The following NHS variants were observed in gnomAD, a reference collection of about 807,000 sequenced individuals.
NHS encodes NHS actin remodeling regulator.
NHS carries 5 observed loss-of-function variants against 72.5 expected under a neutral mutation model. The ratio of observed to expected loss-of-function variants is 0.07; its 90% CI spans 0.04 to 0.14. NHS has a LOEUF of 0.14. Ranked by LOEUF, NHS falls within the 10% of genes least tolerant of loss-of-function variation. The probability of loss-of-function intolerance (pLI) is 1.00; values close to 1 mark genes in which losing one functional copy is unlikely to be tolerated. For missense variants in NHS, 1,072 were observed against 1,355.7 expected, an observed-to-expected ratio of 0.79 and a Z score of 3.29; for synonymous variants, 464 against 547.7, an observed-to-expected ratio of 0.85 and a Z score of 2.13.
At chrX:17,477,172 A>T (rs1177660970) in intron 1 of NHS, among the ~76,000 whole-genome samples, 1 of 111,921 alleles carries the variant, frequency 8.9e-6, no homozygotes, top group Non-Finnish European at 1.9e-5. Context: ...GAAAAGAAAA[A>T]TAAAGGTGGG....
At chrX:17,679,868 G>C (rs1031184569) in intron 1 of NHS, among the ~76,000 whole-genome samples, 4 of 104,984 alleles carry the variant, frequency 3.8e-5, no homozygotes, top group East Asian at 6.2e-4. Flanking sequence ...AAGGGGGGGG[G>C]GGTGTGCGTT....
intron 1 of NHS, among the ~76,000 whole-genome samples, chrX:17,556,748 C>T (rs1355578773): frequency 8.9e-6 from 1 of 111,790 alleles, no homozygotes; most frequent in Non-Finnish European, 1.9e-5. Context: ...CCATCAGTAG[C>T]ATTATCATTG....
At chrX:17,673,067 G>GAT (rs1350955394) in intron 1 of NHS, among the ~76,000 whole-genome samples, 1 of 110,085 alleles carries the variant, frequency 9.1e-6, no homozygotes, top group Non-Finnish European at 1.9e-5. Context: ...AGGACCACAA[G>GAT]ATATACAGAT....
chrX:17,404,263 G>GT (rs1262401240), intron 1 of NHS, among the ~76,000 whole-genome samples: 1 of 111,797 alleles, frequency 8.9e-6, no homozygotes, highest in African/African-American at 3.3e-5. Flanking sequence ...AATTAGAAAG[G>GT]GAGGGAGCAC....
At chrX:17,679,099 A>C (rs922640247) in intron 1 of NHS, among the ~76,000 whole-genome samples, 1 of 110,731 alleles carries the variant, frequency 9.0e-6, no homozygotes, top group Non-Finnish European at 1.9e-5. Context: ...AATGTGTACT[A>C]TCTCTCTAAG....
chrX:17,658,712 G>A lies in NHS; in HGVS notation c.566-29030G>A, dbSNP rs375048921. Among the ~76,000 whole-genome samples the A allele has an allele frequency of 2.7e-5, 3 of 112,202 alleles. No individual in the cohort carries two copies. In the East Asian group the frequency reaches 8.4e-4, roughly 31 times the overall value. On this transcript the variant is annotated intron_variant, in intron 1 of 8. Coordinates refer to ENST00000676302, the MANE Select transcript of NHS (RefSeq NM_001291867.2). ...ATAAGGCCAGTGCAACAGTGGCCAA[G>A]TTTGGCCAGCTTAGAAGAGTAGATA...
chrX:17,506,461 G>A (rs12860112), intron 1 of NHS, among the ~76,000 whole-genome samples: 24,641 of 107,830 alleles, frequency 0.23, 2,593 homozygotes, highest in Non-Finnish European at 0.32. Context: ...AACCTGGGAG[G>A]TGGAGGTTGC....
chrX:17,708,711 A>G (rs2066310408), intron 3 of NHS, among the ~76,000 whole-genome samples: 1 of 111,113 alleles, frequency 9.0e-6, no homozygotes, highest in Admixed American at 9.6e-5. Context: ...TGGGAGGAAA[A>G]GGATTATAGA....
intron 1 of NHS, among the ~76,000 whole-genome samples, chrX:17,570,073 C>A (rs1168598313): frequency 9.0e-6 from 1 of 111,620 alleles, no homozygotes; most frequent in African/African-American, 3.3e-5. Flanking sequence ...TTACTGTGGC[C>A]TTGTAGCATA....
intron 1 of NHS, among the ~76,000 whole-genome samples, chrX:17,624,864 G>A (rs1414109435): frequency 8.9e-6 from 1 of 112,229 alleles, no homozygotes; most frequent in East Asian, 2.8e-4. Context: ...GGGAAGAGAT[G>A]ATAACAGCAT....
intron 1 of NHS, among the ~76,000 whole-genome samples, chrX:17,641,835 G>A (rs2065882611): frequency 9.0e-6 from 1 of 111,698 alleles, no homozygotes; most frequent in African/African-American, 3.3e-5. Context: ...GTGGGATGGA[G>A]GAGGTGACAA....
Position 17,727,451 on chromosome X carries a change from G to A in NHS, c.3345G>A (p.Lys1115=), listed in dbSNP as rs1342613608. 1 of 1,209,788 alleles carries A rather than the reference G, an allele frequency of 8.3e-7. No individual in the cohort carries two copies. The highest frequency in any genetic ancestry group is 3.0e-5 in the East Asian group (1 of 33,775). The change falls in exon 7 of 9, where the codon AAG becomes AAA. Residue 1115 remains lysine (K), a synonymous_variant. Coordinates refer to ENST00000676302, the MANE Select transcript of NHS (RefSeq NM_001291867.2). ...RHPLHVFTHN[K]QNTVGETLRS... is the part of the protein sequence containing the mutation. ...CACTGCATGTTTTTACTCATAATAA[G>A]CAGAACACAGTAGGAGAAACACTGA...
intron 1 of NHS, among the ~76,000 whole-genome samples, chrX:17,650,173 G>T (rs971689251): frequency 3.5e-5 from 4 of 112,696 alleles, no homozygotes; most frequent in African/African-American, 1.3e-4. Context: ...AGGTCAGTCT[G>T]GGACCAAAAG....
intron 1 of NHS, among the ~76,000 whole-genome samples, chrX:17,600,790 G>A (rs556212028): frequency 9.1e-6 from 1 of 110,246 alleles, no homozygotes; most frequent in South Asian, 4.0e-4. Context: ...ACACAGAAAG[G>A]TTGGGTGGGG....
intron 3 of NHS, among the ~76,000 whole-genome samples, chrX:17,711,988 T>G (rs2066331488): frequency 9.2e-6 from 1 of 108,477 alleles, no homozygotes; most frequent in Non-Finnish European, 1.9e-5. Flanking sequence ...TCATTTTTCT[T>G]AAGTCTATAT....
intron 1 of NHS, among the ~76,000 whole-genome samples, chrX:17,388,382 G>A (rs955127294): frequency 2.3e-4 from 26 of 111,482 alleles, no homozygotes; most frequent in African/African-American, 7.8e-4. Context: ...TTTGGGGCGG[G>A]GTTACTATTT....
intron 1 of NHS, among the ~76,000 whole-genome samples, chrX:17,529,133 TCAA>T (rs763223274): frequency 1.7e-4 from 19 of 111,306 alleles, no homozygotes; most frequent in South Asian, 3.8e-4. Context: ...CTGAAGTCCG[TCAA>T]CTACTGTGTA....
chrX:17,708,343 C>T (rs2066308239), intron 3 of NHS, among the ~76,000 whole-genome samples: 1 of 111,733 alleles, frequency 8.9e-6, no homozygotes, highest in South Asian at 3.8e-4. Flanking sequence ...GACCATAGAC[C>T]TCAGCCAACC....
intron 1 of NHS, among the ~76,000 whole-genome samples, chrX:17,522,927 T>G (rs1346948883): frequency 1.8e-5 from 2 of 111,835 alleles, no homozygotes; most frequent in Non-Finnish European, 3.8e-5. Context: ...CTGCTCTAGT[T>G]ACATCAAGAA....
Sources: allele counts gnomAD v4.1 joint callset (sites outside exome capture counted in the v4.1 genomes callset), GRCh38; gene constraint gnomAD v4.1.1; transcripts MANE v1.5; gene names NCBI Gene and HGNC (gene_info 2026-07-23, HGNC 2026-07-21).